Variants in RGS7 observed in about 807,000 individuals in gnomAD.
RGS7 encodes the protein regulator of G protein signaling 7, also known as regulator of G-protein signaling 7.
A neutral mutation model predicts 81.1 loss-of-function variants in RGS7; 27 were observed. That is an observed-to-expected ratio of 0.33 (90% CI 0.25 to 0.46). The LOEUF is 0.46. Ranked by LOEUF, RGS7 falls within the 20% of genes least tolerant of loss-of-function variation. The pLI is 1.00. For missense variants in RGS7, 396 were observed against 607.4 expected (o/e 0.65, Z 3.66); for synonymous variants, 208 against 207.7 (o/e 1.00, Z -0.01).
intron 2 of RGS7, among the ~76,000 whole-genome samples, chr1:241,162,222 G>GCGCCCCCCCCCCCCCGCCCC (rs68166816): frequency 6.3e-5 from 9 of 142,144 alleles, no homozygotes; most frequent in African/African-American, 2.1e-4. Context: ...CTGGTGATCA[G>GCGCCCCCCCCCCCCCGCCCC]CTTCCAAATA....
At chr1:240,867,517 G>A (rs1028414129) in intron 9 of RGS7, among the ~76,000 whole-genome samples, 14 of 152,100 alleles carry the variant, frequency 9.2e-5, no homozygotes, top group African/African-American at 3.4e-4. Context: ...AAGTTTTCTG[G>A]TATTAATTAA....
intron 6 of RGS7, among the ~76,000 whole-genome samples, chr1:240,913,048 A>T (rs1292081758): frequency 6.6e-6 from 1 of 152,224 alleles, no homozygotes; most frequent in East Asian, 1.9e-4. Context: ...CACAACCAGC[A>T]AAACACTTCC....
At chr1:241,094,016 G>A (rs1246986543) in intron 3 of RGS7, among the ~76,000 whole-genome samples, 1 of 152,176 alleles carries the variant, frequency 6.6e-6, no homozygotes, top group Admixed American at 6.5e-5. Context: ...AGGAGATGAA[G>A]AAACCAGAAG....
At chr1:240,816,802 G>T (rs1690878212) in intron 10 of RGS7, among the ~76,000 whole-genome samples, 1 of 152,164 alleles carries the variant, frequency 6.6e-6, no homozygotes, top group Non-Finnish European at 1.5e-5. Context: ...TAACTCAAAA[G>T]AAGATTTAAA....
intron 2 of RGS7, among the ~76,000 whole-genome samples, chr1:241,331,139 C>G (rs890794640): frequency 6.6e-6 from 1 of 152,118 alleles, no homozygotes; most frequent in Non-Finnish European, 1.5e-5. Flanking sequence ...TTCAGATCCT[C>G]TCTATCAAAA....
At chr1:240,850,779 G>A (rs1659959880) in intron 9 of RGS7, among the ~76,000 whole-genome samples, 1 of 152,184 alleles carries the variant, frequency 6.6e-6, no homozygotes, top group East Asian at 1.9e-4. Context: ...AAGCAAAACA[G>A]CCTTACTGTT....
intron 5 of RGS7, 86 bp from the exon 6 acceptor site, chr1:240,930,854 C>A: frequency 2.4e-6 from 3 of 1,235,448 alleles, no homozygotes; most frequent in Non-Finnish European, 3.6e-6. Flanking sequence ...TTATCTTCCA[C>A]AATTCTCTAT....
chr1:241,249,478 A>G (rs146292636), intron 2 of RGS7, among the ~76,000 whole-genome samples: 5 of 152,310 alleles, frequency 3.3e-5, no homozygotes, highest in South Asian at 4.1e-4. Context: ...TTACTTTACA[A>G]TAAGTCCTGA....
intron 2 of RGS7, among the ~76,000 whole-genome samples, chr1:241,187,689 T>C (rs1398515443): frequency 1.3e-5 from 2 of 152,178 alleles, no homozygotes; most frequent in Non-Finnish European, 2.9e-5. Flanking sequence ...CAGAATGGCT[T>C]TATAAAGAAA....
chr1:240,853,184 C>T (rs1327031919), intron 9 of RGS7, among the ~76,000 whole-genome samples: 1 of 152,054 alleles, frequency 6.6e-6, no homozygotes, highest in Non-Finnish European at 1.5e-5. Context: ...TAGTATTTCC[C>T]AGGGAAAATA....
chr1:241,016,126 G>A (rs79563843), intron 3 of RGS7, among the ~76,000 whole-genome samples: 9,059 of 152,204 alleles, frequency 0.06, 868 homozygotes, highest in African/African-American at 0.21. Context: ...TCCTGTGTGG[G>A]GTGTGAGGTA....
chr1:240,889,897 T>C (rs1472237655), intron 6 of RGS7, among the ~76,000 whole-genome samples: 2 of 152,254 alleles, frequency 1.3e-5, no homozygotes, highest in African/African-American at 2.4e-5. Context: ...TAGAGGCTGA[T>C]GGTGGTTCGC....
chr1:240,857,158 C>G (rs1553326652), intron 9 of RGS7, among the ~76,000 whole-genome samples: 1 of 152,256 alleles, frequency 6.6e-6, no homozygotes, highest in East Asian at 1.9e-4. Flanking sequence ...GTTCATTATA[C>G]TCTCCTATGA....
chr1:240,946,576 G>A (rs1041464278), intron 4 of RGS7, among the ~76,000 whole-genome samples: 1 of 151,814 alleles, frequency 6.6e-6, no homozygotes, highest in African/African-American at 2.4e-5. Context: ...CACTGCACTG[G>A]GTGACAGAGT....
chr1:240,989,968 T>G (rs942451483), intron 3 of RGS7, among the ~76,000 whole-genome samples: 3 of 152,182 alleles, frequency 2.0e-5, no homozygotes, highest in Non-Finnish European at 4.4e-5. Context: ...ACCTTTGCTA[T>G]TTTCCATCCA....
At chr1:241,283,574 A>T (rs773185541) in intron 2 of RGS7, among the ~76,000 whole-genome samples, 28 of 152,104 alleles carry the variant, frequency 1.8e-4, no homozygotes, top group Non-Finnish European at 3.4e-4. Context: ...AATATTCATA[A>T]GTTTAATTAT....
chr1:241,118,523 C>G (rs764558358), intron 2 of RGS7, among the ~76,000 whole-genome samples: 3 of 152,004 alleles, frequency 2.0e-5, no homozygotes, highest in Admixed American at 6.6e-5. Context: ...ATCATTTGAC[C>G]CTGCAATCCT....
At chr1:241,084,345 A>G (rs540820439) in intron 3 of RGS7, among the ~76,000 whole-genome samples, 1 of 152,322 alleles carries the variant, frequency 6.6e-6, no homozygotes, top group South Asian at 2.1e-4. Flanking sequence ...AAGTCATCAC[A>G]GAGAACTGGT....
intron 2 of RGS7, among the ~76,000 whole-genome samples, chr1:241,155,896 C>T (rs950309781): frequency 6.6e-6 from 1 of 152,096 alleles, no homozygotes; most frequent in African/African-American, 2.4e-5. Context: ...TTTGGGTTGT[C>T]TCTTCTCCGT....
Sources: gnomAD v4.1 joint callset for allele counts (sites outside exome capture counted in the v4.1 genomes callset) on GRCh38, gnomAD v4.1.1 for gene constraint, MANE v1.5 for transcripts, NCBI Gene and HGNC (gene_info 2026-07-23, HGNC 2026-07-21) for gene names.